The following LAMA4 variants were observed in gnomAD, a reference collection of about 807,000 sequenced individuals.
LAMA4 encodes the protein laminin subunit alpha-4.
LAMA4 carries 127 observed loss-of-function variants against 207.1 expected under a neutral mutation model. The observed-to-expected ratio is 0.61, with a 90% CI of 0.53 to 0.71. The LOEUF (loss-of-function observed/expected upper bound fraction) is 0.71. Ranked by LOEUF, LAMA4 falls within the 30% of genes least tolerant of loss-of-function variation. LAMA4 has a pLI of 0.00. For synonymous variants in LAMA4, 761 were observed against 816.0 expected (o/e 0.93, Z 1.15); for missense variants, 2,093 against 2,246.5 (o/e 0.93, Z 1.38).
chr6:112,177,021 C>T (rs3777935), intron 10 of LAMA4, among the ~76,000 whole-genome samples: 23,531 of 152,122 alleles, frequency 0.15, 2,068 homozygotes, highest in East Asian at 0.29. Context: ...CATTTGCTGC[C>T]TAAAGAGGCA....
chr6:112,162,183 A>T (rs1781092917), intron 13 of LAMA4: 2 of 151,514 alleles, frequency 1.3e-5, no homozygotes, highest in African/African-American at 2.5e-5. Flanking sequence ...AGAAATCAAG[A>T]TTCAAGGCCT....
At position 112,190,948 on chromosome 6, in the gene LAMA4, C is replaced by T. The variant is rs148390169; in HGVS notation, c.718+688G>A. ...CTTTCTTTCTTTCTTTCTTTCTTTC[C>T]TTTCTTTCTTTCTTTCTTTCTTTCT... On this transcript the variant is annotated intron_variant, in intron 6 of 38. Transcript: ENST00000230538. Among the ~76,000 whole-genome samples the T allele has an allele frequency of 4.4e-3, 80 of 18,278 alleles. 3 individuals carry two copies. Among genetic ancestry groups the T allele is most frequent in the Middle Eastern group, 0.026 (1 of 38 alleles). 12.0% of individuals were successfully genotyped at this position (18,278 alleles called of 152,430 possible).
intron 23 of LAMA4, among the ~76,000 whole-genome samples, 162 bp from the exon 24 acceptor site, chr6:112,139,453 T>C (rs782025029): frequency 1.3e-5 from 2 of 152,236 alleles, no homozygotes; most frequent in Non-Finnish European, 2.9e-5. Flanking sequence ...TTTGTAGGTA[T>C]GTTAAATGGA....
intron 3 of LAMA4, chr6:112,214,013 A>T (rs782077518): frequency 1.3e-6 from 1 of 763,536 alleles, no homozygotes; most frequent in Non-Finnish European, 2.4e-6. Flanking sequence ...GCTCCCTGAG[A>T]GCTGAGAATG....
At position 112,200,488 on chromosome 6, in the gene LAMA4, T is replaced by C. The variant is rs573298383; in HGVS notation, c.503+1120A>G. On this transcript the variant is annotated intron_variant, in intron 5 of 38. Coordinates refer to ENST00000230538, the MANE Select transcript of LAMA4 (RefSeq NM_001105206.3). The stretch of plus-strand genomic sequence containing the variant: ...AGACAGTGTGGTGATTCCTCAAGGA[T>C]CTAGAACCAGAATTACCATTTGACC... Among the ~76,000 whole-genome samples the C allele has an allele frequency of 4.6e-5, 7 of 152,288 alleles. No homozygotes were observed. The East Asian group carries it at 7.7e-4, about 17-fold the overall frequency.
Position 112,109,063 on chromosome 6 carries a change from A to G in LAMA4, c.*374T>C, listed in dbSNP as rs1777557760. Reference sequence around the variant, plus strand: ...GACAGAGATTTTTATATAGATTGAAAGTTATCTTCCCTGGAAGAAAGGTGA... The same window carrying G: ...GACAGAGATTTTTATATAGATTGAAGGTTATCTTCCCTGGAAGAAAGGTGA... On this transcript the variant is annotated 3_prime_UTR_variant, in exon 39 of 39. Transcript: ENST00000230538. The G allele has an allele frequency of 4.8e-5, 13 of 272,200 alleles. No individual in the cohort carries two copies. In the South Asian group the frequency reaches 5.1e-4, roughly 11 times the overall value. The allele number at this position is 272,200 out of a possible 1,614,324, so 16.9% of individuals were successfully genotyped here.
At chr6:112,214,840 A>C (rs539827521) in intron 3 of LAMA4, among the ~76,000 whole-genome samples, 1 of 152,342 alleles carries the variant, frequency 6.6e-6, no homozygotes, top group African/African-American at 2.4e-5. Context: ...TCAGAGATAA[A>C]GCCATGATTG....
intron 33 of LAMA4, 55 bp downstream of exon 33, chr6:112,120,228 C>T: frequency 7.1e-7 from 1 of 1,414,054 alleles, no homozygotes; most frequent in Non-Finnish European, 9.9e-7. Flanking sequence ...CCATTAGTGT[C>T]CATTTGACAA....
intron 12 of LAMA4, 177 bp downstream of exon 12, chr6:112,172,434 C>T: frequency 1.6e-6 from 1 of 633,164 alleles, no homozygotes; most frequent in Non-Finnish European, 2.7e-6. Flanking sequence ...CTAGTTTCAA[C>T]TTGATTTTAG....
intron 8 of LAMA4, 150 bp downstream of exon 8, chr6:112,187,300 T>C: frequency 1.1e-6 from 1 of 888,320 alleles, no homozygotes; most frequent in Non-Finnish European, 1.8e-6. Context: ...CCTATGAAAT[T>C]ACTTATGTTT....
Position 112,191,797 on chromosome 6 carries a change from T to A in LAMA4, c.557A>T (p.Lys186Ile). ...ATCTGAATTTCCACTGCAGTCACAT[T>A]TCTTACAGGTGCTTCCAATGAGTAA... ...NPLLIGSTCK[K>I]CDCSGNSDPN... The change falls in exon 6 of 39, where the codon AAA (lysine) becomes ATA (isoleucine). Residue 186 changes from lysine to isoleucine, a missense_variant. Lys to Ile is a moderately radical substitution (Grantham distance 102). Coordinates refer to ENST00000230538, the MANE Select transcript of LAMA4 (RefSeq NM_001105206.3). The A allele has an allele frequency of 6.2e-7, 1 of 1,614,162 alleles. No individual in the cohort carries two copies. Among genetic ancestry groups the A allele is most frequent in the African/African-American group, 1.3e-5 (1 of 75,064 alleles).
intron 2 of LAMA4, chr6:112,234,204 A>G (rs1469321836): frequency 2.0e-5 from 3 of 152,156 alleles, no homozygotes; most frequent in Non-Finnish European, 4.4e-5. Context: ...TTTACCCAAA[A>G]TGAGCTAAGC....
chr6:112,151,571 T>G (rs986686335), intron 16 of LAMA4, among the ~76,000 whole-genome samples: 1 of 152,142 alleles, frequency 6.6e-6, no homozygotes, highest in African/African-American at 2.4e-5. Context: ...ATTTAGATCT[T>G]TATGCGTAGC....
chr6:112,115,837 A>T, intron 36 of LAMA4, 26 bp downstream of exon 36: 4 of 1,610,108 alleles, frequency 2.5e-6, no homozygotes, highest in Non-Finnish European at 3.4e-6. Context: ...GATGAGACAA[A>T]TTGTTAAACA....
In LAMA4 at chr6:112,254,129, G is replaced by T. The variant is rs149430073; in HGVS notation, c.22C>A (p.Arg8Ser). Residue 8 changes from arginine to serine, a missense_variant, in exon 2 of 39, where the codon CGC becomes AGC. Arg to Ser is a moderately radical substitution (Grantham distance 110). Around this residue, in one of 3 missense-constraint regions of LAMA4, gnomAD observed 1,704 missense variants for 1,788.4 expected, o/e 0.95. Coordinates refer to ENST00000230538, the MANE Select transcript of LAMA4 (RefSeq NM_001105206.3). Reference sequence around the variant, plus strand: ...AGGAGCCACAGAGGCAGAACCGAGCGCCAGGCTGAGCTCAAAGCCATTTCT... The same window carrying T: ...AGGAGCCACAGAGGCAGAACCGAGCTCCAGGCTGAGCTCAAAGCCATTTCT... Reference protein sequence around the residue: MALSSAWRSVLPLWLLWS... With the variant: MALSSAWSSVLPLWLLWS... The T allele has an allele frequency of 6.2e-7, 1 of 1,612,954 alleles. No homozygotes were observed. Among genetic ancestry groups the T allele is most frequent in the Admixed American group, 1.7e-5 (1 of 60,004 alleles).
rs530723509 is a variant in LAMA4, at chr6:112,126,486, T to C, written c.4287+2436A>G. 2.0e-5 allele frequency among the ~76,000 whole-genome samples: 3 copies of C among 152,254 alleles called. No individual in the cohort carries two copies. The South Asian group carries it at 6.2e-4, about 32-fold the overall frequency. On this transcript the variant is annotated intron_variant, in intron 31 of 38. Coordinates refer to ENST00000230538, the MANE Select transcript of LAMA4 (RefSeq NM_001105206.3). Reference sequence around the variant, plus strand: ...CTTCCATGTCAAACTCAGGAAGAGATCCTAAGAAACTACTAAGTTTTAATT... The same window carrying C: ...CTTCCATGTCAAACTCAGGAAGAGACCCTAAGAAACTACTAAGTTTTAATT...
intron 5 of LAMA4, among the ~76,000 whole-genome samples, chr6:112,198,797 C>T (rs1783566696): frequency 6.6e-6 from 1 of 152,150 alleles, no homozygotes; most frequent in South Asian, 2.1e-4. Flanking sequence ...ACCACCATGA[C>T]TCATACTGTC....
At chr6:112,149,492 A>G (rs1231232009) in intron 17 of LAMA4, among the ~76,000 whole-genome samples, 3 of 152,146 alleles carry the variant, frequency 2.0e-5, no homozygotes, top group Non-Finnish European at 4.4e-5. Context: ...GTGAGTTCTC[A>G]TGAGATCTCG....
intron 9 of LAMA4, chr6:112,179,783 A>G (rs1031724387): frequency 3.2e-6 from 1 of 316,822 alleles, no homozygotes; most frequent in South Asian, 3.0e-5. Context: ...GGAGAAGGGT[A>G]ATCCCCTCCC....
Sources: gnomAD v4.1 joint callset for allele counts (sites outside exome capture counted in the v4.1 genomes callset) on GRCh38, gnomAD v4.1.1 for gene constraint, gnomAD v4.1.1 regional missense constraint, MANE v1.5 for transcripts, NCBI Gene and HGNC (gene_info 2026-07-23, HGNC 2026-07-21) for gene names.